The following DENND1A variants were observed in gnomAD, a reference collection of about 807,000 sequenced individuals.
The protein encoded by DENND1A is DENN domain-containing protein 1A.
A neutral mutation model predicts 113.7 loss-of-function variants in DENND1A; 51 were observed. The observed-to-expected ratio is 0.45, with a 90% CI of 0.36 to 0.57. The LOEUF (loss-of-function observed/expected upper bound fraction) is 0.57. Among genes scored for constraint, DENND1A ranks in the 20% least tolerant of loss-of-function variants. The probability of loss-of-function intolerance (pLI) is 0.00; values close to 1 mark genes in which losing one functional copy is unlikely to be tolerated. For synonymous variants in DENND1A, 565 were observed against 570.8 expected (o/e 0.99, Z 0.14); for missense variants, 1,258 against 1,395.9 (o/e 0.90, Z 1.57).
Position 123,411,783 on chromosome 9 carries a change from G to C in DENND1A, c.1535C>G (p.Ser512Trp), listed in dbSNP as rs1187928120. The change falls in exon 20 of 24, where the codon TCG becomes TGG. Residue 512 changes from serine to tryptophan, a missense_variant. Physicochemically the swap from Ser to Trp is radical, Grantham distance 177. Around this residue, in one of 2 missense-constraint regions of DENND1A, gnomAD observed 1,159 missense variants for 1,231.7 expected, o/e 0.94. Coordinates refer to ENST00000394215, the MANE Select transcript of DENND1A (RefSeq NM_001352964.2). Reference sequence around the variant, plus strand: ...GAACCACCAGCTACTCACGGGCCTCGAGCGCTGTATCTTGGGAGGCGGTCG... The same window carrying C: ...GAACCACCAGCTACTCACGGGCCTCCAGCGCTGTATCTTGGGAGGCGGTCG... ...PTRPPPKIQR[S>W]RPVRPPRPHV... 2.0e-6 allele frequency: 2 copies of C among 985,828 alleles called. No homozygotes were observed. Among genetic ancestry groups the C allele is most frequent in the South Asian group, 4.7e-5 (1 of 21,282 alleles). The allele number at this position is 985,828 out of a possible 1,614,324, so 61.1% of individuals were successfully genotyped here.
intron 5 of DENND1A, chr9:123,751,560 C>A (rs1488851173): frequency 6.6e-6 from 1 of 152,234 alleles, no homozygotes; most frequent in African/African-American, 2.4e-5. Context: ...AAAACATCAT[C>A]ATCTCTAATG....
intron 5 of DENND1A, among the ~76,000 whole-genome samples, chr9:123,730,286 C>T (rs1229994436): frequency 1.3e-5 from 2 of 152,106 alleles, no homozygotes; most frequent in African/African-American, 4.8e-5. Flanking sequence ...AGAGCTTCTG[C>T]ACAGCAAAAG....
At chr9:123,649,197 T>C (rs2062508743) in intron 9 of DENND1A, among the ~76,000 whole-genome samples, 1 of 152,196 alleles carries the variant, frequency 6.6e-6, no homozygotes. Context: ...TGAAATAACA[T>C]CTTCAAGATA....
At chr9:123,861,871 C>T (rs778261627) in intron 2 of DENND1A, among the ~76,000 whole-genome samples, 3 of 152,162 alleles carry the variant, frequency 2.0e-5, no homozygotes, top group Non-Finnish European at 4.4e-5. Context: ...ACAGCCAAGA[C>T]CAGCAAATGC....
intron 10 of DENND1A, among the ~76,000 whole-genome samples, 176 bp downstream of exon 10, chr9:123,630,200 C>CACATA (rs1450281296): frequency 2.1e-5 from 3 of 140,982 alleles, no homozygotes; most frequent in Non-Finnish European, 4.5e-5. Context: ...GCCACCATGA[C>CACATA]TGGCTTTTTT....
At chr9:123,441,397 A>G (rs2046922578) in intron 18 of DENND1A, among the ~76,000 whole-genome samples, 1 of 152,238 alleles carries the variant, frequency 6.6e-6, no homozygotes, top group African/African-American at 2.4e-5. Context: ...TCTTTCTGGC[A>G]GAAAATAAAA....
chr9:123,475,320 G>A (rs1376147898), intron 13 of DENND1A, among the ~76,000 whole-genome samples: 1 of 152,140 alleles, frequency 6.6e-6, no homozygotes, highest in Non-Finnish European at 1.5e-5. Flanking sequence ...CATCTGGCCT[G>A]TTGCGTGGTT....
intron 13 of DENND1A, among the ~76,000 whole-genome samples, chr9:123,523,328 C>A (rs1341368389): frequency 2.0e-5 from 3 of 152,132 alleles, no homozygotes; most frequent in African/African-American, 7.2e-5. Flanking sequence ...CTTGTGGAGG[C>A]CTGCCCCACA....
intron 12 of DENND1A, among the ~76,000 whole-genome samples, chr9:123,573,543 T>C (rs2058470562): frequency 6.6e-6 from 1 of 152,106 alleles, no homozygotes. Flanking sequence ...CCTAAGTATT[T>C]TGTGTTTTGT....
At chr9:123,442,514 G>A (rs1396919329) in intron 18 of DENND1A, among the ~76,000 whole-genome samples, 1 of 151,996 alleles carries the variant, frequency 6.6e-6, no homozygotes, top group African/African-American at 2.4e-5. Context: ...AGATATGAGA[G>A]AATGAATAAG....
chr9:123,398,385 T>C (rs1314821609), intron 21 of DENND1A, among the ~76,000 whole-genome samples: 2 of 152,140 alleles, frequency 1.3e-5, no homozygotes, highest in Non-Finnish European at 2.9e-5. Context: ...TCTTTTTCTT[T>C]TTTATTTGAG....
intron 8 of DENND1A, among the ~76,000 whole-genome samples, chr9:123,660,829 G>A (rs1000462641): frequency 6.6e-6 from 1 of 152,242 alleles, no homozygotes; most frequent in South Asian, 2.1e-4. Flanking sequence ...AAGCCAAAAA[G>A]CAGATGTGAC....
intron 10 of DENND1A, among the ~76,000 whole-genome samples, chr9:123,618,933 A>C (rs1212393536): frequency 6.6e-6 from 1 of 152,166 alleles, no homozygotes; most frequent in Non-Finnish European, 1.5e-5. Flanking sequence ...AAAAGGCTAA[A>C]AAAGTTTTTT....
chr9:123,552,013 G>A (rs938356310), intron 13 of DENND1A, among the ~76,000 whole-genome samples: 2 of 133,416 alleles, frequency 1.5e-5, no homozygotes, highest in Non-Finnish European at 3.1e-5. Flanking sequence ...GAGAGAGAGC[G>A]AGAGCGAGAG....
At chr9:123,811,136 C>T (rs971280177) in intron 2 of DENND1A, among the ~76,000 whole-genome samples, 1 of 152,200 alleles carries the variant, frequency 6.6e-6, no homozygotes, top group Admixed American at 6.5e-5. Flanking sequence ...CTCTCTTCTA[C>T]TCACAGCCTC....
At chr9:123,559,402 G>A (rs1437410230) in intron 12 of DENND1A, among the ~76,000 whole-genome samples, 1 of 152,112 alleles carries the variant, frequency 6.6e-6, no homozygotes, top group Non-Finnish European at 1.5e-5. Context: ...CAAAACTTAG[G>A]ATAAAATAGA....
chr9:123,517,193 C>A (rs1184048122), intron 13 of DENND1A, among the ~76,000 whole-genome samples: 1 of 149,098 alleles, frequency 6.7e-6, no homozygotes, highest in East Asian at 2.0e-4. Context: ...GTGGAGCTTG[C>A]AGTGAGCCGA....
intron 6 of DENND1A, among the ~76,000 whole-genome samples, chr9:123,674,333 G>GTC (rs147489412): frequency 0.074 from 8,342 of 113,062 alleles, 280 homozygotes; most frequent in South Asian, 0.085. Flanking sequence ...CTCTGTCTCT[G>GTC]TCTCTCTCTC....
At chr9:123,687,682 G>T (rs1158694505) in intron 5 of DENND1A, among the ~76,000 whole-genome samples, 1 of 152,204 alleles carries the variant, frequency 6.6e-6, no homozygotes, top group African/African-American at 2.4e-5. Flanking sequence ...CTTTCACTGA[G>T]AAGTTTTTCC....
Sources: gnomAD v4.1 joint callset for allele counts (sites outside exome capture counted in the v4.1 genomes callset) on GRCh38, gnomAD v4.1.1 for gene constraint, gnomAD v4.1.1 regional missense constraint, MANE v1.5 for transcripts, NCBI Gene and HGNC (gene_info 2026-07-23, HGNC 2026-07-21) for gene names.